CPVL: variants seen among roughly 807,000 people sequenced by gnomAD.
CPVL encodes the protein probable serine carboxypeptidase CPVL.
In CPVL, 51 loss-of-function variants were observed where a neutral mutation model predicts 63.7. That is an observed-to-expected ratio of 0.80 (90% CI 0.64 to 1.01). The LOEUF (loss-of-function observed/expected upper bound fraction) is 1.01, where lower values mean the gene tolerates loss of function less well. CPVL is among the 50% of genes least tolerant of loss of function. The pLI, the probability that CPVL is intolerant of heterozygous loss-of-function variation, is 0.00. For missense variants in CPVL, 530 were observed against 573.1 expected, an observed-to-expected ratio of 0.92 and a Z score of 0.77; for synonymous variants, 195 against 206.0, an observed-to-expected ratio of 0.95 and a Z score of 0.46.
chr7:29,141,776 G>T (rs6960516), intron 1 of CPVL, among the ~76,000 whole-genome samples: 2 of 151,422 alleles, frequency 1.3e-5, no homozygotes, highest in South Asian at 2.1e-4. Flanking sequence ...TTAGCCAGGC[G>T]TGGGGGTACA....
At chr7:29,165,271 C>G (rs1407669662) in intron 5 of CPVL, among the ~76,000 whole-genome samples, 3 of 152,084 alleles carry the variant, frequency 2.0e-5, no homozygotes, top group Non-Finnish European at 4.4e-5. Flanking sequence ...CAAACCAATA[C>G]TTAAGTTCAT....
At chr7:29,097,882 G>A (rs1786605021) in intron 3 of CPVL, among the ~76,000 whole-genome samples, 1 of 152,186 alleles carries the variant, frequency 6.6e-6, no homozygotes, top group South Asian at 2.1e-4. Flanking sequence ...GCAGAGCTGT[G>A]CACAAGGGAA....
At chr7:29,189,123 A>AC (rs1246722676) in intron 1 of CPVL, among the ~76,000 whole-genome samples, 9 of 151,692 alleles carry the variant, frequency 5.9e-5, no homozygotes, top group Non-Finnish European at 1.2e-4. Context: ...GCTAATTTTT[A>AC]TATTTTTAGT....
chr7:29,018,698 T>C (rs1363208107), intron 12 of CPVL, among the ~76,000 whole-genome samples: 1 of 152,128 alleles, frequency 6.6e-6, no homozygotes, highest in East Asian at 1.9e-4. Context: ...AATTTCTTAA[T>C]GTGGAGTCAA....
At chr7:29,140,298 C>T (rs2128669028) in intron 1 of CPVL, among the ~76,000 whole-genome samples, 1 of 152,270 alleles carries the variant, frequency 6.6e-6, no homozygotes, top group East Asian at 1.9e-4. Flanking sequence ...AACAAACAGG[C>T]TTCTACCCAC....
chr7:29,130,512 C>A (rs777281315), intron 1 of CPVL, among the ~76,000 whole-genome samples: 4 of 152,138 alleles, frequency 2.6e-5, no homozygotes, highest in African/African-American at 9.7e-5. Context: ...ATCTCATAGC[C>A]GTTCACTAAC....
At chr7:29,154,706 G>A (rs376633108) in intron 5 of CPVL, among the ~76,000 whole-genome samples, 21 of 152,156 alleles carry the variant, frequency 1.4e-4, no homozygotes, top group East Asian at 1.9e-4. Context: ...GTGGTGGCAC[G>A]TACCTGTGGT....
intron 5 of CPVL, among the ~76,000 whole-genome samples, chr7:29,094,127 G>A (rs746610321): frequency 6.6e-6 from 1 of 152,150 alleles, no homozygotes; most frequent in Non-Finnish European, 1.5e-5. Context: ...GATCACTTGA[G>A]GTCAGGAGTT....
chr7:29,091,781 G>A (rs947441827), intron 6 of CPVL, among the ~76,000 whole-genome samples: 11 of 152,292 alleles, frequency 7.2e-5, no homozygotes, highest in African/African-American at 2.4e-4. Flanking sequence ...CTCTCCCCCC[G>A]GCCACCTATC....
intron 3 of CPVL, among the ~76,000 whole-genome samples, chr7:29,105,528 G>A (rs1475037515): frequency 1.3e-5 from 2 of 152,180 alleles, no homozygotes; most frequent in East Asian, 1.9e-4. Context: ...TCTATTACTC[G>A]TTCCTTAGGC....
intron 11 of CPVL, among the ~76,000 whole-genome samples, chr7:29,050,802 C>CA (rs199723728): frequency 0.079 from 10,850 of 137,424 alleles, 438 homozygotes; most frequent in South Asian, 0.13. Context: ...TGAGACTAAG[C>CA]AAAAAAAAAA....
intron 5 of CPVL, among the ~76,000 whole-genome samples, chr7:29,179,228 C>A (rs901997910): frequency 2.6e-5 from 4 of 152,336 alleles, no homozygotes; most frequent in Admixed American, 2.6e-4. Context: ...AAGGCTCCAT[C>A]CCCTCACACA....
chr7:29,087,144 C>T (rs1256728324), intron 6 of CPVL, among the ~76,000 whole-genome samples: 1 of 152,078 alleles, frequency 6.6e-6, no homozygotes, highest in Non-Finnish European at 1.5e-5. Context: ...TGCTAACAGC[C>T]GGCCAGGGCG....
intron 7 of CPVL, among the ~76,000 whole-genome samples, chr7:29,080,870 A>G (rs529432979): frequency 3.3e-5 from 5 of 152,334 alleles, no homozygotes; most frequent in Admixed American, 2.0e-4. Context: ...TTTTGTCTCT[A>G]TTGGGTTCTC....
chr7:29,118,057 G>A (rs1788953323), intron 2 of CPVL, among the ~76,000 whole-genome samples: 1 of 152,128 alleles, frequency 6.6e-6, no homozygotes, highest in South Asian at 2.1e-4. Context: ...ATTGTTTTGT[G>A]TGTATGCATC....
At chr7:29,153,945 T>C (rs1336256879) in intron 5 of CPVL, among the ~76,000 whole-genome samples, 1 of 152,132 alleles carries the variant, frequency 6.6e-6, no homozygotes, top group East Asian at 1.9e-4. Context: ...ATAATATGTA[T>C]AAAATACAAA....
In CPVL at chr7:29,075,519, T is replaced by TAAAAAAAAAAAAAAA; in HGVS notation, c.610-3111_610-3097dup. ...TCTTTTCTATTGAGAAGATACTTCT[T>TAAAAAAAAAAAAAAA]AAAAAAAAAAAAAAAAAAGCCATCA... On this transcript the variant is annotated intron_variant, in intron 7 of 12. Coordinates refer to ENST00000265394, the MANE Select transcript of CPVL (RefSeq NM_031311.5). 1.6e-5 allele frequency among the ~76,000 whole-genome samples: 2 copies of TAAAAAAAAAAAAAAA among 128,978 alleles called. 1 individual carries two copies. The highest frequency in any genetic ancestry group is 3.2e-5 in the Non-Finnish European group (2 of 62,296). The allele number at this position is 128,978 out of a possible 152,430, so 84.6% of individuals were successfully genotyped here. A position where few individuals can be genotyped will look rare whatever the true frequency, so the allele number is the denominator to read the frequency against.
rs564077870 is a variant in CPVL at position 28,999,254 on chromosome 7, C to T, written c.1321-3372G>A. Among the ~76,000 whole-genome samples, 18 of 152,182 alleles carry T rather than the reference C, an allele frequency of 1.2e-4. No homozygotes were observed. In the South Asian group the frequency reaches 1.9e-3, roughly 16 times the overall value. ...CAAAACAATGACTCTCAAATTTGAA[C>T]GTGCATAAAAATACCTGAGCTCATT... is the stretch of plus-strand genomic sequence containing the variant. On this transcript the variant is annotated intron_variant, in intron 12 of 12. Coordinates refer to ENST00000265394, the MANE Select transcript of CPVL (RefSeq NM_031311.5).
chr7:29,086,065 G>A (rs192776421), intron 7 of CPVL, among the ~76,000 whole-genome samples: 1,998 of 152,140 alleles, frequency 0.013, 23 homozygotes, highest in Admixed American at 0.024. Flanking sequence ...AGGCCGAGGC[G>A]GGCAGATCAT....
Sources: gnomAD v4.1 joint callset for allele counts (sites outside exome capture counted in the v4.1 genomes callset) on GRCh38, gnomAD v4.1.1 for gene constraint, MANE v1.5 for transcripts, NCBI Gene and HGNC (gene_info 2026-07-23, HGNC 2026-07-21) for gene names.